The following KRTAP6-1 variants were observed in gnomAD, a reference collection of about 807,000 sequenced individuals.
The protein encoded by KRTAP6-1 is keratin-associated protein 6-1.
Under a neutral mutation model 1.6 loss-of-function variants are expected in KRTAP6-1, and 2 were observed. The observed-to-expected ratio is 1.22, with a 90% CI of 0.50 to 3.85. The LOEUF (loss-of-function observed/expected upper bound fraction) is 3.85. Ranked by LOEUF, KRTAP6-1 falls within the 30% of genes most tolerant of loss-of-function variation. The pLI, the probability that KRTAP6-1 is intolerant of heterozygous loss-of-function variation, is 0.07. For synonymous variants in KRTAP6-1, 38 were observed against 38.5 expected (o/e 0.99, Z 0.05); for missense variants, 78 against 87.7 (o/e 0.89, Z 0.44).
exon 1 of KRTAP6-1, chr21:30,613,465 C>T (rs765396717): frequency 3.5e-6 from 3 of 861,110 alleles, no homozygotes; most frequent in Non-Finnish European, 5.1e-6. Flanking sequence ...TGATGTGACA[C>T]CATCATTCTG....
Sources: gnomAD v4.1 joint callset for allele counts on GRCh38, gnomAD v4.1.1 for gene constraint, MANE v1.5 for transcripts, NCBI Gene and HGNC (gene_info 2026-07-23, HGNC 2026-07-21) for gene names.